The following SNTG1 variants were observed in gnomAD, a reference collection of about 807,000 sequenced individuals.
The protein encoded by SNTG1 is syntrophin gamma 1.
Under a neutral mutation model 74.7 loss-of-function variants are expected in SNTG1, and 39 were observed. That is an observed-to-expected ratio of 0.52 (90% CI 0.40 to 0.68). The LOEUF is 0.68. SNTG1 is among the 30% of genes least tolerant of loss of function. The pLI is 0.00. For synonymous variants in SNTG1, 254 were observed against 217.1 expected, an observed-to-expected ratio of 1.17 and a Z score of -1.49; for missense variants, 685 against 609.5, an observed-to-expected ratio of 1.12 and a Z score of -1.30.
intron 17 of SNTG1, among the ~76,000 whole-genome samples, chr8:50,723,510 C>T (rs977773468): frequency 3.9e-5 from 6 of 152,264 alleles, no homozygotes; most frequent in African/African-American, 1.4e-4. Flanking sequence ...CTTTTATAAG[C>T]TCTCGTTTTA....
intron 1 of SNTG1, among the ~76,000 whole-genome samples, chr8:50,114,935 TTTGA>T (rs1468088979): frequency 1.3e-5 from 2 of 152,094 alleles, no homozygotes; most frequent in Non-Finnish European, 2.9e-5. Flanking sequence ...TAGCAATTAG[TTTGA>T]TTGTGATTAT....
At chr8:50,576,351 C>CTA (rs2094576879) in intron 12 of SNTG1, among the ~76,000 whole-genome samples, 1 of 152,064 alleles carries the variant, frequency 6.6e-6, no homozygotes, top group Admixed American at 6.6e-5. Flanking sequence ...GTTTTTAGAC[C>CTA]TATAGCACAT....
In SNTG1 at chr8:50,368,146, T is replaced by C. The variant is rs962730838; in HGVS notation, c.-27-26066T>C. Among the ~76,000 whole-genome samples the C allele has an allele frequency of 5.9e-5, 9 of 152,258 alleles. No individual in the cohort carries two copies. The East Asian group carries it at 1.7e-3, about 29-fold the overall frequency. On this transcript the variant is annotated intron_variant, in intron 2 of 18. Coordinates refer to ENST00000642720, the MANE Select transcript of SNTG1 (RefSeq NM_018967.5). ...AGAATGTTTGTGGAAATATAGACGT[T>C]AAATATTCTGAGAAGGTCTCAGATG...
chr8:49,916,875 T>A (rs1806088286), intron 1 of SNTG1, among the ~76,000 whole-genome samples: 1 of 151,218 alleles, frequency 6.6e-6, no homozygotes, highest in African/African-American at 2.4e-5. Flanking sequence ...AATAAAAAAA[T>A]AATATCTGGG....
intron 16 of SNTG1, among the ~76,000 whole-genome samples, chr8:50,706,098 G>A (rs939842557): frequency 2.0e-5 from 3 of 152,124 alleles, no homozygotes; most frequent in Non-Finnish European, 2.9e-5. Flanking sequence ...AGTTGTACCA[G>A]TATGACATTA....
At chr8:50,224,662 G>A (rs898866499) in intron 2 of SNTG1, among the ~76,000 whole-genome samples, 4 of 152,180 alleles carry the variant, frequency 2.6e-5, no homozygotes, top group South Asian at 4.1e-4. Context: ...TGAAGTTCTA[G>A]TTCAGGCCAA....
chr8:50,052,637 C>A (rs1012520240), intron 1 of SNTG1, among the ~76,000 whole-genome samples: 1 of 151,972 alleles, frequency 6.6e-6, no homozygotes, highest in Non-Finnish European at 1.5e-5. Context: ...GATCAATTTA[C>A]AAAATTAGAT....
chr8:50,059,179 G>C (rs1820273332), intron 1 of SNTG1, among the ~76,000 whole-genome samples: 1 of 151,776 alleles, frequency 6.6e-6, no homozygotes, highest in African/African-American at 2.4e-5. Context: ...TCTACTTTTT[G>C]GCTTTTATGA....
chr8:50,748,356 G>A (rs2095559778), intron 17 of SNTG1, among the ~76,000 whole-genome samples: 1 of 152,018 alleles, frequency 6.6e-6, no homozygotes, highest in Admixed American at 6.6e-5. Context: ...TTTGCTAGGT[G>A]AAGGGGTACT....
intron 2 of SNTG1, among the ~76,000 whole-genome samples, chr8:50,328,130 T>A (rs750255121): frequency 1.4e-4 from 22 of 152,202 alleles, no homozygotes; most frequent in Non-Finnish European, 2.8e-4. Context: ...TTTGTAATTA[T>A]TTTTCTTTAT....
intron 2 of SNTG1, among the ~76,000 whole-genome samples, chr8:50,225,349 A>T (rs1211616848): frequency 1.3e-5 from 2 of 152,120 alleles, no homozygotes; most frequent in Non-Finnish European, 2.9e-5. Flanking sequence ...CCTTATCTTA[A>T]CCCAGACACT....
chr8:50,062,675 G>T (rs1820578711), intron 1 of SNTG1, among the ~76,000 whole-genome samples: 1 of 152,072 alleles, frequency 6.6e-6, no homozygotes, highest in Non-Finnish European at 1.5e-5. Context: ...AGCAAAATCT[G>T]ATTTATCTCA....
chr8:50,030,865 A>G (rs1241734725), intron 1 of SNTG1, among the ~76,000 whole-genome samples: 1 of 152,006 alleles, frequency 6.6e-6, no homozygotes, highest in African/African-American at 2.4e-5. Flanking sequence ...TTCTGATTAT[A>G]TCTACTAAAA....
chr8:50,751,374 C>T (rs894834010), intron 17 of SNTG1, among the ~76,000 whole-genome samples: 1 of 152,014 alleles, frequency 6.6e-6, no homozygotes, highest in African/African-American at 2.4e-5. Flanking sequence ...TAGACAATTC[C>T]CACTTATTGC....
At chr8:49,945,017 C>A (rs1395564118) in intron 1 of SNTG1, among the ~76,000 whole-genome samples, 1 of 152,066 alleles carries the variant, frequency 6.6e-6, no homozygotes, top group African/African-American at 2.4e-5. Flanking sequence ...ATTCTTACTT[C>A]TTTAATCTGA....
intron 1 of SNTG1, among the ~76,000 whole-genome samples, chr8:49,971,679 A>T (rs573012974): frequency 6.6e-6 from 1 of 152,314 alleles, no homozygotes; most frequent in African/African-American, 2.4e-5. Flanking sequence ...TCAGGATACA[A>T]AATCAATGTG....
At chr8:50,611,681 A>C (rs1335738461) in intron 13 of SNTG1, among the ~76,000 whole-genome samples, 1 of 152,204 alleles carries the variant, frequency 6.6e-6, no homozygotes, top group Non-Finnish European at 1.5e-5. Flanking sequence ...CAGCCACTTA[A>C]GGAGGCTGAG....
At chr8:50,672,870 G>A (rs1026045861) in intron 15 of SNTG1, among the ~76,000 whole-genome samples, 55 of 152,118 alleles carry the variant, frequency 3.6e-4, no homozygotes, top group African/African-American at 1.0e-3. Flanking sequence ...TGTTTAAGGT[G>A]TAAGGAAGTA....
At chr8:50,721,678 T>C (rs973342862) in intron 17 of SNTG1, among the ~76,000 whole-genome samples, 13 of 152,186 alleles carry the variant, frequency 8.5e-5, no homozygotes, top group African/African-American at 2.4e-4. Context: ...AGAAGAAATA[T>C]ATGTGGAAAA....
Sources: allele counts gnomAD v4.1 joint callset (sites outside exome capture counted in the v4.1 genomes callset), GRCh38; gene constraint gnomAD v4.1.1; transcripts MANE v1.5; gene names NCBI Gene and HGNC (gene_info 2026-07-23, HGNC 2026-07-21).